Variants in PLAG1 observed in about 807,000 individuals in gnomAD.
The protein encoded by PLAG1 is PLAG1 zinc finger.
A neutral mutation model predicts 35.5 loss-of-function variants in PLAG1; 7 were observed. The observed-to-expected ratio is 0.20, with a 90% CI of 0.11 to 0.37. PLAG1 has a LOEUF of 0.37. PLAG1 is among the 10% of genes least tolerant of loss of function. The pLI is 1.00. For synonymous variants in PLAG1, 229 were observed against 225.4 expected (o/e 1.02, Z -0.14); for missense variants, 454 against 602.8 (o/e 0.75, Z 2.58).
intron 1 of PLAG1, among the ~76,000 whole-genome samples, chr8:56,199,734 C>CT (rs1181752671): frequency 6.6e-6 from 1 of 152,066 alleles, no homozygotes; most frequent in Non-Finnish European, 1.5e-5. Context: ...CACCACCCCC[C>CT]CCGATCCTCC....
rs138678517 is a variant in PLAG1 at position 56,184,714 on chromosome 8, C to G, written c.-321-5201G>C. On this transcript the variant is annotated intron_variant, in intron 1 of 4. Coordinates refer to ENST00000316981, the MANE Select transcript of PLAG1 (RefSeq NM_002655.3). ...AATGGATCATTTGAGGTCAGGAGTT[C>G]GAGTCCAGCCTGGGCAACATGGTGA... 7.3e-3 allele frequency among the ~76,000 whole-genome samples: 1,118 copies of G among 152,202 alleles called. 9 individuals are homozygous for G. Among genetic ancestry groups the G allele is most frequent in the African/African-American group, 0.026 (1,068 of 41,518 alleles).
chr8:56,210,275 T>A (rs1229217154), intron 1 of PLAG1, among the ~76,000 whole-genome samples: 1 of 152,176 alleles, frequency 6.6e-6, no homozygotes, highest in Non-Finnish European at 1.5e-5. Context: ...AGGGATTTTT[T>A]GCGATTTTTT....
At chr8:56,183,303 G>T (rs151059300) in intron 1 of PLAG1, among the ~76,000 whole-genome samples, 2 of 152,248 alleles carry the variant, frequency 1.3e-5, no homozygotes, top group African/African-American at 2.4e-5. Context: ...AAATATTTAA[G>T]TATAAAGATG....
intron 1 of PLAG1, among the ~76,000 whole-genome samples, chr8:56,193,227 C>A (rs1812240065): frequency 6.6e-6 from 1 of 152,084 alleles, no homozygotes; most frequent in Non-Finnish European, 1.5e-5. Flanking sequence ...GCAGGAGAGG[C>A]AATGGGTATG....
rs1015345450 is a variant in PLAG1, at chr8:56,200,564, G to A, written c.-322+10557C>T. ...TGCTCAAAAAGCTACAATGCCTTCC[G>A]CAGCACATAGTGCACATTCCTCAGG... is the stretch of plus-strand genomic sequence containing the variant. On this transcript the variant is annotated intron_variant, in intron 1 of 4. Transcript: ENST00000316981. Among the ~76,000 whole-genome samples the A allele has an allele frequency of 6.0e-4, 91 of 152,168 alleles. 1 individual carries two copies. Among genetic ancestry groups the A allele is most frequent in the African/African-American group, 2.0e-3 (83 of 41,518 alleles).
intron 2 of PLAG1, among the ~76,000 whole-genome samples, chr8:56,175,923 A>G (rs759847985): frequency 2.0e-5 from 3 of 152,138 alleles, no homozygotes; most frequent in African/African-American, 4.8e-5. Flanking sequence ...ATGAAGAAGG[A>G]GTATCAAGTA....
intron 1 of PLAG1, among the ~76,000 whole-genome samples, chr8:56,197,274 G>A (rs1437996126): frequency 6.6e-6 from 1 of 152,158 alleles, no homozygotes; most frequent in South Asian, 2.1e-4. Flanking sequence ...TGCCGTGGGA[G>A]TGAGTGCGTC....
intron 1 of PLAG1, among the ~76,000 whole-genome samples, chr8:56,204,446 C>T (rs1312650980): frequency 6.6e-6 from 1 of 151,752 alleles, no homozygotes; most frequent in Non-Finnish European, 1.5e-5. Context: ...AAGAACAATT[C>T]AATAAATATT....
intron 1 of PLAG1, among the ~76,000 whole-genome samples, chr8:56,203,830 T>C (rs569804317): frequency 6.6e-6 from 1 of 152,072 alleles, no homozygotes; most frequent in East Asian, 1.9e-4. Flanking sequence ...AAGAGAAAAA[T>C]CTAGATTGAA....
intron 3 of PLAG1, among the ~76,000 whole-genome samples, chr8:56,170,096 T>C (rs770483965): frequency 1.7e-4 from 26 of 152,358 alleles, no homozygotes; most frequent in Non-Finnish European, 3.2e-4. Context: ...AGGCTGTTTC[T>C]AAACAGGCAA....
chr8:56,206,216 T>C (rs1245031435), intron 1 of PLAG1, among the ~76,000 whole-genome samples: 1 of 151,956 alleles, frequency 6.6e-6, no homozygotes, highest in South Asian at 2.1e-4. Context: ...GGGATAGCTA[T>C]AAACAGTGAG....
intron 2 of PLAG1, among the ~76,000 whole-genome samples, chr8:56,176,042 T>C (rs1411493399): frequency 7.1e-6 from 1 of 140,706 alleles, no homozygotes; most frequent in Non-Finnish European, 1.5e-5. Flanking sequence ...TCCCTTTTCC[T>C]TTTCTTTTTT....
intron 1 of PLAG1, among the ~76,000 whole-genome samples, chr8:56,187,091 A>C (rs1812042431): frequency 6.6e-6 from 1 of 152,136 alleles, no homozygotes; most frequent in South Asian, 2.1e-4. Flanking sequence ...TGGGGTTAAA[A>C]CCCATCAATG....
chr8:56,197,118 C>T (rs890002386), intron 1 of PLAG1, among the ~76,000 whole-genome samples: 6 of 152,054 alleles, frequency 3.9e-5, no homozygotes, highest in Non-Finnish European at 8.8e-5. Context: ...GTCTTTCTCT[C>T]CCTGCTGCAG....
chr8:56,204,949 T>C (rs1205370950), intron 1 of PLAG1, among the ~76,000 whole-genome samples: 1 of 151,926 alleles, frequency 6.6e-6, no homozygotes, highest in African/African-American at 2.4e-5. Flanking sequence ...CAGAAGATTA[T>C]ACCAAAAGTT....
intron 1 of PLAG1, among the ~76,000 whole-genome samples, chr8:56,198,941 G>C (rs1272820274): frequency 6.6e-6 from 1 of 152,198 alleles, no homozygotes; most frequent in African/African-American, 2.4e-5. Context: ...AAAATTTGTG[G>C]AATGAATAAG....
chr8:56,182,217 T>C (rs970085454), intron 1 of PLAG1, among the ~76,000 whole-genome samples: 30 of 152,174 alleles, frequency 2.0e-4, no homozygotes, highest in Non-Finnish European at 3.8e-4. Flanking sequence ...ACAGAAGATA[T>C]GTGTTGGAGT....
At chr8:56,195,512 G>A (rs1181366911) in intron 1 of PLAG1, among the ~76,000 whole-genome samples, 1 of 152,180 alleles carries the variant, frequency 6.6e-6, no homozygotes, top group Admixed American at 6.5e-5. Context: ...AGCCTTCTTG[G>A]GCCAGCAGGG....
intron 1 of PLAG1, among the ~76,000 whole-genome samples, chr8:56,184,030 A>G (rs1008990432): frequency 6.6e-6 from 1 of 152,210 alleles, no homozygotes; most frequent in Non-Finnish European, 1.5e-5. Flanking sequence ...TGTTAAGAGA[A>G]TAAAAAGGAC....
Sources: allele counts gnomAD v4.1 joint callset (sites outside exome capture counted in the v4.1 genomes callset), GRCh38; gene constraint gnomAD v4.1.1; transcripts MANE v1.5; gene names NCBI Gene and HGNC (gene_info 2026-07-23, HGNC 2026-07-21).